RBFOX1: variants seen among roughly 807,000 people sequenced by gnomAD.
The protein encoded by RBFOX1 is RNA binding fox-1 homolog 1.
Under a neutral mutation model 57.7 loss-of-function variants are expected in RBFOX1, and 8 were observed. The ratio of observed to expected loss-of-function variants is 0.14; its 90% CI spans 0.08 to 0.25. The LOEUF is 0.25. Ranked by LOEUF, RBFOX1 falls within the 10% of genes least tolerant of loss-of-function variation. RBFOX1 has a pLI of 1.00. For synonymous variants in RBFOX1, 326 were observed against 222.4 expected (o/e 1.47, Z -4.15); for missense variants, 611 against 548.5 (o/e 1.11, Z -1.14).
intron 3 of RBFOX1, among the ~76,000 whole-genome samples, chr16:6,903,426 A>G (rs1161413055): frequency 6.6e-6 from 1 of 152,154 alleles, no homozygotes; most frequent in South Asian, 2.1e-4. Context: ...TTGACGAAAG[A>G]TCCGTGAAGT....
intron 4 of RBFOX1, among the ~76,000 whole-genome samples, chr16:7,517,138 C>CGTGTGTGTGTGT (rs200887129): frequency 1.2e-4 from 16 of 130,216 alleles, no homozygotes; most frequent in East Asian, 1.1e-3. Flanking sequence ...TTTCTTATGC[C>CGTGTGTGTGTGT]GTGTGTGTGT....
At position 6,712,510 on chromosome 16, in the gene RBFOX1, G is replaced by A. The variant is rs1437978319; in HGVS notation, c.-16+57860G>A. On this transcript the variant is annotated intron_variant, in intron 3 of 15. Coordinates refer to ENST00000550418, the MANE Select transcript of RBFOX1 (RefSeq NM_018723.4). ...CCAGTTTTTTCCATCTCAGTGGATGGTATTATCATCTTTCCAGTGACACAG... is the reference window on the plus strand; with the variant it reads ...CCAGTTTTTTCCATCTCAGTGGATGATATTATCATCTTTCCAGTGACACAG... Among the ~76,000 whole-genome samples, 3 of 152,064 alleles carry A rather than the reference G, an allele frequency of 2.0e-5. No homozygotes were observed. The East Asian group carries it at 5.8e-4, about 29-fold the overall frequency.
At chr16:6,171,265 A>G (rs998180103) in intron 1 of RBFOX1, among the ~76,000 whole-genome samples, 2 of 152,212 alleles carry the variant, frequency 1.3e-5, no homozygotes, top group African/African-American at 4.8e-5. Flanking sequence ...CCATGTCAAC[A>G]TATCAATCTA....
At chr16:7,308,297 GTTT>G (rs34533950) in intron 4 of RBFOX1, among the ~76,000 whole-genome samples, 2 of 144,580 alleles carry the variant, frequency 1.4e-5, no homozygotes, top group African/African-American at 5.1e-5. Flanking sequence ...ACCCAGAGCT[GTTT>G]TTTTTTTTTT....
intron 3 of RBFOX1, among the ~76,000 whole-genome samples, chr16:7,021,225 T>C (rs1442110223): frequency 2.6e-5 from 4 of 152,096 alleles, no homozygotes; most frequent in East Asian, 3.9e-4. Context: ...AATTGTTGTT[T>C]CTTATGTGTT....
intron 1 of RBFOX1, among the ~76,000 whole-genome samples, chr16:5,365,302 C>T (rs1266412813): frequency 6.7e-6 from 1 of 150,170 alleles, no homozygotes; most frequent in African/African-American, 2.5e-5. Flanking sequence ...TGAGCAAACA[C>T]ATATGCAGCC....
chr16:6,327,987 G>A (rs947742390), intron 2 of RBFOX1, among the ~76,000 whole-genome samples: 36 of 152,154 alleles, frequency 2.4e-4, no homozygotes, highest in African/African-American at 7.2e-4. Context: ...GGGTGGAAAC[G>A]TATAAAGGTT....
intron 4 of RBFOX1, among the ~76,000 whole-genome samples, chr16:7,172,217 C>T (rs1269440850): frequency 6.6e-6 from 1 of 152,088 alleles, no homozygotes; most frequent in South Asian, 2.1e-4. Flanking sequence ...TCTTATATTA[C>T]CTAAAATCCA....
chr16:7,483,143 G>A (rs1220221615), intron 4 of RBFOX1, among the ~76,000 whole-genome samples: 1 of 152,186 alleles, frequency 6.6e-6, no homozygotes, highest in East Asian at 1.9e-4. Context: ...CCAAGGCTGT[G>A]CTGGAATTGG....
chr16:6,399,015 C>G (rs562042494), intron 2 of RBFOX1, among the ~76,000 whole-genome samples: 2 of 152,212 alleles, frequency 1.3e-5, no homozygotes, highest in Admixed American at 6.5e-5. Flanking sequence ...GAAATCTAGG[C>G]GAAGGTTCCC....
At chr16:6,115,920 T>G (rs763964082) in intron 1 of RBFOX1, among the ~76,000 whole-genome samples, 1 of 152,108 alleles carries the variant, frequency 6.6e-6, no homozygotes, top group Non-Finnish European at 1.5e-5. Flanking sequence ...TATAAATATC[T>G]CTAGTACCCA....
At chr16:6,084,779 T>C (rs566551345) in intron 1 of RBFOX1, among the ~76,000 whole-genome samples, 2 of 122,312 alleles carry the variant, frequency 1.6e-5, no homozygotes, top group Non-Finnish European at 4.2e-5. Context: ...CTTGTTCTTA[T>C]GTTTTGCAGG....
chr16:7,392,644 T>C (rs565762549), intron 4 of RBFOX1, among the ~76,000 whole-genome samples: 1 of 152,272 alleles, frequency 6.6e-6, no homozygotes, highest in South Asian at 2.1e-4. Context: ...CCCTATAGGT[T>C]AAGCTGAGTA....
chr16:6,773,708 TTGTGTGTG>T (rs201037596), intron 3 of RBFOX1: 1 of 119,188 alleles, frequency 8.4e-6, no homozygotes, highest in Non-Finnish European at 1.7e-5. Flanking sequence ...TGGGGTGCAT[TTGTGTGTG>T]TGTATGTGTG....
At chr16:6,471,022 G>A (rs2095162301) in intron 2 of RBFOX1, among the ~76,000 whole-genome samples, 1 of 152,110 alleles carries the variant, frequency 6.6e-6, no homozygotes, top group Non-Finnish European at 1.5e-5. Flanking sequence ...AGCCTTCCTA[G>A]CAATGACTGT....
chr16:6,724,247 T>A (rs976865201), intron 3 of RBFOX1, among the ~76,000 whole-genome samples: 4 of 150,448 alleles, frequency 2.7e-5, no homozygotes, highest in Admixed American at 2.7e-4. Context: ...TTCACTCTTG[T>A]CACCCATGCT....
chr16:6,776,382 G>T (rs537235708), intron 3 of RBFOX1, among the ~76,000 whole-genome samples: 1 of 152,190 alleles, frequency 6.6e-6, no homozygotes, highest in East Asian at 1.9e-4. Context: ...CTGCACTCCA[G>T]CCTGGGTGAC....
intron 2 of RBFOX1, among the ~76,000 whole-genome samples, chr16:6,411,516 T>G (rs2093458088): frequency 6.6e-6 from 1 of 152,230 alleles, no homozygotes; most frequent in Non-Finnish European, 1.5e-5. Flanking sequence ...TCATAAATAT[T>G]AAAATGTCCT....
chr16:5,855,219 T>G (rs1345766261), intron 3 of RBFOX1, among the ~76,000 whole-genome samples: 1 of 152,230 alleles, frequency 6.6e-6, no homozygotes, highest in Non-Finnish European at 1.5e-5. Flanking sequence ...CAGAAGATTT[T>G]TAGTTTGATG....
Sources: allele counts gnomAD v4.1 joint callset (sites outside exome capture counted in the v4.1 genomes callset), GRCh38; gene constraint gnomAD v4.1.1; transcripts MANE v1.5; gene names NCBI Gene and HGNC (gene_info 2026-07-23, HGNC 2026-07-21).